The following SLC47A2 variants were observed in gnomAD, a reference collection of about 807,000 sequenced individuals.
SLC47A2 encodes solute carrier family 47 member 2.
In SLC47A2, 52 loss-of-function variants were observed where a neutral mutation model predicts 67.7. That is an observed-to-expected ratio of 0.77 (90% confidence interval 0.61 to 0.97). The LOEUF (loss-of-function observed/expected upper bound fraction) is 0.97. Among genes scored for constraint, SLC47A2 ranks in the 50% least tolerant of loss-of-function variants. SLC47A2 has a pLI of 0.00. For synonymous variants in SLC47A2, 278 were observed against 292.9 expected (o/e 0.95, Z 0.52); for missense variants, 676 against 712.3 (o/e 0.95, Z 0.58).
At chr17:19,713,050 G>T (rs2086144926) in intron 4 of SLC47A2, among the ~76,000 whole-genome samples, 1 of 152,132 alleles carries the variant, frequency 6.6e-6, no homozygotes, top group African/African-American at 2.4e-5. Flanking sequence ...TAATATAAAT[G>T]AACAAGGCAT....
At chr17:19,706,814 T>G (rs1421810100) in intron 8 of SLC47A2, 53 bp from the exon 9 acceptor site, 19 of 1,422,258 alleles carry the variant, frequency 1.3e-5, no homozygotes, top group Non-Finnish European at 1.8e-5. Flanking sequence ...CCCACCTCAT[T>G]CCTGCTCCCC....
At chr17:19,707,959 TC>T in intron 7 of SLC47A2, 116 bp from the exon 8 acceptor site, 2 of 987,852 alleles carry the variant, frequency 2.0e-6, no homozygotes, top group Non-Finnish European at 3.0e-6. Flanking sequence ...GCTCTGCTCT[TC>T]CCCCATCCTG....
chr17:19,708,641 G>GC (rs1054913108), intron 6 of SLC47A2, 75 bp downstream of exon 6: 9 of 1,600,738 alleles, frequency 5.6e-6, no homozygotes, highest in Non-Finnish European at 6.8e-6. Flanking sequence ...GAAGGGGAAA[G>GC]CCCCAGGCCC....
At chr17:19,695,034 T>G (rs936417490) in intron 13 of SLC47A2, among the ~76,000 whole-genome samples, 2 of 151,478 alleles carry the variant, frequency 1.3e-5, no homozygotes, top group Non-Finnish European at 2.9e-5. Flanking sequence ...TTCTTATATA[T>G]AAAATAGCAA....
chr17:19,701,167 CAAA>C (rs35086555), intron 13 of SLC47A2, among the ~76,000 whole-genome samples: 10 of 64,954 alleles, frequency 1.5e-4, no homozygotes, highest in African/African-American at 1.1e-4. Context: ...GACTCTGTCT[CAAA>C]AAAAAAAAAA....
In SLC47A2 at chr17:19,678,607, G is replaced by T; in HGVS notation, c.*79C>A. Reference sequence around the variant, plus strand: ...TGTCCACCTGCACTAGACCCCATTGGTGTTTTTGCAGGGCAGACCGTGGTG... The same window carrying T: ...TGTCCACCTGCACTAGACCCCATTGTTGTTTTTGCAGGGCAGACCGTGGTG... On this transcript the variant is annotated 3_prime_UTR_variant, in exon 17 of 17. Transcript: ENST00000433844. 1 of 1,445,606 alleles carries T rather than the reference G, an allele frequency of 6.9e-7. No individual in the cohort carries two copies. The highest frequency in any genetic ancestry group is 2.3e-5 in the East Asian group (1 of 43,822). 89.5% of individuals were successfully genotyped at this position (1,445,606 alleles called of 1,614,324 possible).
rs1431479214 is a variant in SLC47A2, at chr17:19,704,195, G to T, written c.910-17C>A. 2.5e-5 allele frequency: 40 copies of T among 1,594,036 alleles called. No individual in the cohort carries two copies. The highest frequency in any genetic ancestry group is 3.2e-5 in the Non-Finnish European group (38 of 1,170,394). The stretch of plus-strand genomic sequence containing the variant: ...CAAGGGAATCTGGGATCAAAGATAA[G>T]AAAGCACTGTCAGTGGGCCCACCCT... On this transcript the variant is annotated splice_polypyrimidine_tract_variant and intron_variant, in intron 10 of 16. Transcript: ENST00000433844.
chr17:19,702,455 T>C (rs2085810025), intron 13 of SLC47A2, 150 bp downstream of exon 13: 2 of 1,444,096 alleles, frequency 1.4e-6, no homozygotes, highest in South Asian at 1.5e-5. Flanking sequence ...ATGGAACTAT[T>C]ATCAGCAAAT....
Position 19,678,398 on chromosome 17 carries a change from T to C in SLC47A2, c.*288A>G, listed in dbSNP as rs945153654. 2.5e-6 allele frequency: 1 copy of C among 407,580 alleles called. No homozygotes were observed. The highest frequency in any genetic ancestry group is 2.0e-5 in the African/African-American group (1 of 50,732). The allele number at this position is 407,580 out of a possible 1,614,324, so 25.2% of individuals were successfully genotyped here. A position where few individuals can be genotyped will look rare whatever the true frequency, so the allele number is the denominator to read the frequency against. ...GTCCCATTTGAAGCCATTTACATTATTAATAATAGTGACAATCCCTGGACT... is the reference window on the plus strand; with the variant it reads ...GTCCCATTTGAAGCCATTTACATTACTAATAATAGTGACAATCCCTGGACT... On this transcript the variant is annotated 3_prime_UTR_variant, in exon 17 of 17. Transcript: ENST00000433844.
rs532264156 is a variant in SLC47A2, at chr17:19,686,416, A to T, written c.1165-4746T>A. On this transcript the variant is annotated intron_variant, in intron 13 of 16. Transcript: ENST00000433844. Reference sequence around the variant, plus strand: ...AGAGAAGACCACCAAACCATAAAATAAATAATAAAATGGCAGGACTGAGTC... The same window carrying T: ...AGAGAAGACCACCAAACCATAAAATTAATAATAAAATGGCAGGACTGAGTC... Among the ~76,000 whole-genome samples, 54 of 152,346 alleles carry T rather than the reference A, an allele frequency of 3.5e-4. 1 individual carries two copies. Among genetic ancestry groups the T allele is most frequent in the African/African-American group, 1.3e-3 (52 of 41,596 alleles).
rs1319412785 is a variant in SLC47A2, at chr17:19,678,634, G to A, written c.*52C>T. Reference sequence around the variant, plus strand: ...GTTTTTGCAGGGCAGACCGTGGTGTGTTTGCATACTGGGGACAGCCACTCC... The same window carrying A: ...GTTTTTGCAGGGCAGACCGTGGTGTATTTGCATACTGGGGACAGCCACTCC... On this transcript the variant is annotated 3_prime_UTR_variant, in exon 17 of 17. Coordinates refer to ENST00000433844, the MANE Select transcript of SLC47A2 (RefSeq NM_001099646.3). The A allele has an allele frequency of 8.2e-6, 13 of 1,582,446 alleles. No homozygotes were observed. The African/African-American group carries it at 9.4e-5, about 11-fold the overall frequency.
intron 13 of SLC47A2, among the ~76,000 whole-genome samples, chr17:19,695,499 C>CAAAAAAAAAAAAAAAGAAA (rs369851386): frequency 1.8e-5 from 1 of 55,394 alleles, no homozygotes; most frequent in African/African-American, 1.1e-4. Context: ...AAACAAAGAA[C>CAAAAAAAAAAAAAAAGAAA]AAAAAAAAAA....
In SLC47A2 at chr17:19,708,354, CACAG is replaced by C. The variant is rs1420498629; in HGVS notation, c.573_576del (p.Asn191LysfsTer14). On this transcript the variant is annotated frameshift_variant, in exon 7 of 17. Coordinates refer to ENST00000433844, the MANE Select transcript of SLC47A2 (RefSeq NM_001099646.3). LOFTEE classifies it high-confidence loss of function. ...AGGGCATAGTTGGCCACACCGTTGA[CACAG>C]TTGCCCACCACACCACTGAGGACTT... The C allele has an allele frequency of 3.1e-6, 5 of 1,613,928 alleles. No individual in the cohort carries two copies. Among genetic ancestry groups the C allele is most frequent in the Non-Finnish European group, 4.2e-6 (5 of 1,180,038 alleles).
At position 19,693,635 on chromosome 17, in the gene SLC47A2, TA is replaced by T. The variant is rs568990390; in HGVS notation, c.1164+8969del. On this transcript the variant is annotated intron_variant, in intron 13 of 16. Coordinates refer to ENST00000433844, the MANE Select transcript of SLC47A2 (RefSeq NM_001099646.3). ...AAAATAATAATAATAATAATAATAATAAATAAATAAAAATTAGCCAGGCACG... is the reference window on the plus strand; with the variant it reads ...AAAATAATAATAATAATAATAATAATAATAAATAAAAATTAGCCAGGCACG... 5.7e-3 allele frequency among the ~76,000 whole-genome samples: 795 copies of T among 138,434 alleles called. 2 individuals are homozygous for T. The highest frequency in any genetic ancestry group is 0.031 in the East Asian group (131 of 4,250). The allele number at this position is 138,434 out of a possible 152,430, so 90.8% of individuals were successfully genotyped here.
At position 19,712,790 on chromosome 17, in the gene SLC47A2, G is replaced by A. The variant is rs373655789; in HGVS notation, c.444-45C>T. 7.3e-5 allele frequency: 115 copies of A among 1,585,008 alleles called. 1 individual carries two copies. Among genetic ancestry groups the A allele is most frequent in the African/African-American group, 9.4e-5 (7 of 74,602 alleles). On this transcript the variant is annotated intron_variant, in intron 4 of 16. Coordinates refer to ENST00000433844, the MANE Select transcript of SLC47A2 (RefSeq NM_001099646.3). Reference sequence around the variant, plus strand: ...TCCGGAGCTGACCAGGCTGTGGCCCGGGGAGGCAGGGCCCTCTCCCCTGTG... The same window carrying A: ...TCCGGAGCTGACCAGGCTGTGGCCCAGGGAGGCAGGGCCCTCTCCCCTGTG...
rs6146013 is a variant in SLC47A2 at position 19,704,822 on chromosome 17, C to CTTTT, written c.909+610_909+613dup. Reference sequence around the variant, plus strand: ...GTGGCCTGCTGCTCGATGGAATGTGCTTTTTTTTTTTTTTTTTTTTTGAGA... The same window carrying CTTTT: ...GTGGCCTGCTGCTCGATGGAATGTGCTTTTTTTTTTTTTTTTTTTTTTTTTGAGA... On this transcript the variant is annotated intron_variant, in intron 10 of 16. Transcript: ENST00000433844. 229 of 274,094 alleles carry CTTTT rather than the reference C, an allele frequency of 8.4e-4. 1 individual carries two copies. The highest frequency in any genetic ancestry group is 2.5e-3 in the South Asian group (28 of 11,246). 17.0% of individuals were successfully genotyped at this position (274,094 alleles called of 1,614,324 possible).
Position 19,708,824 on chromosome 17 carries a change from A to G in SLC47A2, c.487-64T>C, listed in dbSNP as rs1407190051. ...ACCAAAACTCACCAAATGAGCATTA[A>G]CAGACATTCCTTTCCAGGACATAGT... On this transcript the variant is annotated intron_variant, in intron 5 of 16. Coordinates refer to ENST00000433844, the MANE Select transcript of SLC47A2 (RefSeq NM_001099646.3). 7 of 1,574,814 alleles carry G rather than the reference A, an allele frequency of 4.4e-6. No individual in the cohort carries two copies. In the Admixed American group the frequency reaches 8.4e-5, roughly 19 times the overall value.
Position 19,705,521 on chromosome 17 carries a change from C to A in SLC47A2, c.842-18G>T, listed in dbSNP as rs373139119. The A allele has an allele frequency of 2.4e-5, 38 of 1,605,726 alleles. No individual in the cohort carries two copies. Among genetic ancestry groups the A allele is most frequent in the Non-Finnish European group, 3.2e-5 (38 of 1,177,620 alleles). On this transcript the variant is annotated intron_variant, in intron 9 of 16. Coordinates refer to ENST00000433844, the MANE Select transcript of SLC47A2 (RefSeq NM_001099646.3). ...GAGCAGCCCTAGAGAAGAGGCCCGCCGTGAGTCCGGCCCGCAGCCCCAGAC... is the reference window on the plus strand; with the variant it reads ...GAGCAGCCCTAGAGAAGAGGCCCGCAGTGAGTCCGGCCCGCAGCCCCAGAC...
At chr17:19,700,625 C>T (rs2152348211) in intron 13 of SLC47A2, among the ~76,000 whole-genome samples, 1 of 152,112 alleles carries the variant, frequency 6.6e-6, no homozygotes, top group East Asian at 1.9e-4. Context: ...ATTAGCCAGG[C>T]ATGGTAGTGC....
Sources: allele counts gnomAD v4.1 joint callset (sites outside exome capture counted in the v4.1 genomes callset), GRCh38; gene constraint gnomAD v4.1.1; transcripts MANE v1.5; gene names NCBI Gene and HGNC (gene_info 2026-07-23, HGNC 2026-07-21).